OSBPL11: variants seen among roughly 807,000 people sequenced by gnomAD.
The protein encoded by OSBPL11 is oxysterol binding protein like 11, also known as oxysterol-binding protein-related protein 11.
OSBPL11 carries 33 observed loss-of-function variants against 84.4 expected under a neutral mutation model. The ratio of observed to expected loss-of-function variants is 0.39; its 90% CI spans 0.30 to 0.52. The LOEUF is 0.52. Ranked by LOEUF, OSBPL11 falls within the 20% of genes least tolerant of loss-of-function variation. The pLI is 0.72. For synonymous variants in OSBPL11, 276 were observed against 310.2 expected (o/e 0.89, Z 1.16); for missense variants, 736 against 901.1 (o/e 0.82, Z 2.35).
At chr3:125,594,030 C>T (rs1936642743) in intron 1 of OSBPL11, among the ~76,000 whole-genome samples, 1 of 152,206 alleles carries the variant, frequency 6.6e-6, no homozygotes, top group Non-Finnish European at 1.5e-5. Flanking sequence ...CAAATATAGA[C>T]TTTCTCATCA....
chr3:125,562,686 G>A (rs1357147984), intron 7 of OSBPL11, among the ~76,000 whole-genome samples: 1 of 152,180 alleles, frequency 6.6e-6, no homozygotes, highest in African/African-American at 2.4e-5. Flanking sequence ...CAGCATTTTG[G>A]GAGGCTGAGG....
At chr3:125,532,593 C>CA (rs1301920833) in intron 11 of OSBPL11, among the ~76,000 whole-genome samples, 28 of 131,868 alleles carry the variant, frequency 2.1e-4, no homozygotes, top group Non-Finnish European at 3.6e-4. Flanking sequence ...AAAAAAAAAA[C>CA]AAAAAAAAAC....
chr3:125,568,974 G>T (rs1936203363), intron 5 of OSBPL11, among the ~76,000 whole-genome samples: 1 of 151,696 alleles, frequency 6.6e-6, no homozygotes, highest in Non-Finnish European at 1.5e-5. Context: ...TTGAGATAGG[G>T]TCTCACTCTG....
chr3:125,552,669 G>T lies in OSBPL11; in HGVS notation c.1166C>A (p.Pro389His), dbSNP rs747980349. Residue 389 changes from proline (P) to histidine (H), a missense_variant, in exon 9 of 13, where the codon CCT (proline) becomes CAT (histidine). By Grantham distance (77) the Pro-to-His change is moderately conservative. Around this residue, in one of 3 missense-constraint regions of OSBPL11, gnomAD observed 579 missense variants for 717.6 expected, o/e 0.81. Coordinates refer to ENST00000296220, the MANE Select transcript of OSBPL11 (RefSeq NM_022776.5). ...GGAACGCTTCTCTAGGATAAATGTAGGAAGCACCACCTAAAACAACAATCA... is the reference window on the plus strand; with the variant it reads ...GGAACGCTTCTCTAGGATAAATGTATGAAGCACCACCTAAAACAACAATCA... The part of the protein sequence containing the change: ...LGMDLTRVVL[P>H]TFILEKRSLL... 6.2e-7 allele frequency: 1 copy of T among 1,611,588 alleles called. No individual in the cohort carries two copies. The highest frequency in any genetic ancestry group is 1.1e-5 in the South Asian group (1 of 90,746).
chr3:125,594,045 A>G (rs1448155048), intron 1 of OSBPL11, among the ~76,000 whole-genome samples: 4 of 152,252 alleles, frequency 2.6e-5, no homozygotes, highest in African/African-American at 9.6e-5. Flanking sequence ...TCATCAACAC[A>G]GAGAGCATTG....
Position 125,552,162 on chromosome 3 carries a change from A to AT in OSBPL11, c.1654+18_1654+19insA. The AT allele has an allele frequency of 7.2e-7, 1 of 1,383,270 alleles. No homozygotes were observed. The highest frequency in any genetic ancestry group is 2.4e-5 in the East Asian group (1 of 41,826). 85.7% of individuals were successfully genotyped at this position (1,383,270 alleles called of 1,614,324 possible). On this transcript the variant is annotated intron_variant, in intron 9 of 12. Coordinates refer to ENST00000296220, the MANE Select transcript of OSBPL11 (RefSeq NM_022776.5). ...GTGTGTATATATATATATATATATA[A>AT]AATAATTTTTCTACTTACCTTCTCC...
intron 2 of OSBPL11, among the ~76,000 whole-genome samples, chr3:125,581,452 T>A (rs1936423290): frequency 6.6e-6 from 1 of 150,406 alleles, no homozygotes; most frequent in South Asian, 2.2e-4. Context: ...TCCCAGCACT[T>A]TGGGAGGCCA....
At chr3:125,547,321 G>C (rs897301369) in intron 10 of OSBPL11, 85 bp downstream of exon 10, 1 of 1,170,598 alleles carries the variant, frequency 8.5e-7, no homozygotes, top group Middle Eastern at 2.0e-4. Flanking sequence ...ACTTCACATA[G>C]AACAGAGCAG....
chr3:125,563,075 T>C (rs979981495), intron 7 of OSBPL11, among the ~76,000 whole-genome samples: 3 of 151,460 alleles, frequency 2.0e-5, no homozygotes, highest in Non-Finnish European at 4.4e-5. Context: ...CAGTACAACA[T>C]AGGAAAATGC....
intron 7 of OSBPL11, among the ~76,000 whole-genome samples, chr3:125,560,913 G>C (rs1358339519): frequency 6.6e-6 from 1 of 152,124 alleles, no homozygotes; most frequent in Non-Finnish European, 1.5e-5. Context: ...TGGCCAGGCT[G>C]GTCTCAAGCT....
rs756128591 is a variant in OSBPL11, at chr3:125,552,514, T to C, written c.1321A>G (p.Lys441Glu). 3.7e-6 allele frequency: 6 copies of C among 1,614,092 alleles called. No homozygotes were observed. Among genetic ancestry groups the C allele is most frequent in the Non-Finnish European group, 5.1e-6 (6 of 1,180,036 alleles). The change falls in exon 9 of 13, where the codon AAG becomes GAG. Residue 441 changes from lysine (K) to glutamate (E), a missense_variant. By Grantham distance (56) the Lys-to-Glu change is moderately conservative (BLOSUM62 1). Around this residue, in one of 3 missense-constraint regions of OSBPL11, gnomAD observed 579 missense variants for 717.6 expected, o/e 0.81. Coordinates refer to ENST00000296220, the MANE Select transcript of OSBPL11 (RefSeq NM_022776.5). ...TATGGTTTTTTAGCAATGGCTCCCT[T>C]ACGGCCTTCATGAAATGAGGTAAGG... ...YYLTSFHEGRKGAIAKKPYNP... is the reference protein window; with the variant it reads ...YYLTSFHEGREGAIAKKPYNP...
At chr3:125,545,212 G>C (rs1311660828) in intron 10 of OSBPL11, among the ~76,000 whole-genome samples, 1 of 152,162 alleles carries the variant, frequency 6.6e-6, no homozygotes, top group African/African-American at 2.4e-5. Context: ...CACTATGTAA[G>C]GACACATGCA....
chr3:125,576,412 G>T, intron 4 of OSBPL11, 47 bp from the exon 5 acceptor site: 1 of 1,459,920 alleles, frequency 6.8e-7, no homozygotes, highest in South Asian at 1.4e-5. Flanking sequence ...CTTTAATTTA[G>T]GATTTCTAAC....
chr3:125,594,088 C>G (rs1323507754), intron 1 of OSBPL11, among the ~76,000 whole-genome samples: 1 of 152,190 alleles, frequency 6.6e-6, no homozygotes. Flanking sequence ...TGAACATCTC[C>G]AGGCTCAGGT....
At chr3:125,566,028 G>C (rs1252596871) in intron 6 of OSBPL11, among the ~76,000 whole-genome samples, 2 of 151,992 alleles carry the variant, frequency 1.3e-5, no homozygotes, top group African/African-American at 4.8e-5. Flanking sequence ...TTTTTGAGAT[G>C]GAGTCTCACT....
chr3:125,535,326 G>A (rs1029494691), intron 11 of OSBPL11, among the ~76,000 whole-genome samples: 3 of 151,380 alleles, frequency 2.0e-5, no homozygotes, highest in Non-Finnish European at 4.4e-5. Context: ...TTAAACATAC[G>A]TAATTTGTAA....
intron 1 of OSBPL11, among the ~76,000 whole-genome samples, chr3:125,587,914 G>T (rs1370264348): frequency 2.0e-5 from 3 of 152,132 alleles, no homozygotes; most frequent in African/African-American, 7.2e-5. Flanking sequence ...ACTCCAGCCT[G>T]GGAAACAGAG....
intron 4 of OSBPL11, among the ~76,000 whole-genome samples, chr3:125,577,294 C>T (rs991349421): frequency 1.3e-5 from 2 of 152,050 alleles, no homozygotes; most frequent in Non-Finnish European, 2.9e-5. Flanking sequence ...AATTTTTAGA[C>T]ATCTCTAACC....
intron 1 of OSBPL11, among the ~76,000 whole-genome samples, chr3:125,584,025 C>A (rs971100451): frequency 1.3e-5 from 2 of 152,138 alleles, no homozygotes; most frequent in African/African-American, 4.8e-5. Context: ...CCCTAAAGAG[C>A]TCCTCCTCTG....
Sources: allele counts gnomAD v4.1 joint callset (sites outside exome capture counted in the v4.1 genomes callset), GRCh38; gene constraint gnomAD v4.1.1; regional missense constraint gnomAD v4.1.1; transcripts MANE v1.5; gene names NCBI Gene and HGNC (gene_info 2026-07-23, HGNC 2026-07-21).